Variants in COLEC12 observed in about 807,000 individuals in gnomAD.
The protein encoded by COLEC12 is collectin subfamily member 12.
COLEC12 carries 33 observed loss-of-function variants against 71.1 expected under a neutral mutation model. The ratio of observed to expected loss-of-function variants is 0.46; its 90% CI spans 0.35 to 0.62. COLEC12 has a LOEUF of 0.62. Among genes scored for constraint, COLEC12 ranks in the 20% least tolerant of loss-of-function variants. COLEC12 has a pLI of 0.00. For missense variants in COLEC12, 765 were observed against 916.1 expected, an observed-to-expected ratio of 0.84 and a Z score of 2.13; for synonymous variants, 350 against 353.0, an observed-to-expected ratio of 0.99 and a Z score of 0.10.
intron 2 of COLEC12, among the ~76,000 whole-genome samples, chr18:357,887 C>T (rs1914662386): frequency 1.3e-5 from 2 of 152,216 alleles, no homozygotes; most frequent in Non-Finnish European, 2.9e-5. Context: ...TGGTACCAGT[C>T]TGGTGGCCTG....
At position 495,478 on chromosome 18, in the gene COLEC12, G is replaced by A. The variant is rs535439626; in HGVS notation, c.7+5030C>T. On this transcript the variant is annotated intron_variant, in intron 1 of 9. Coordinates refer to ENST00000400256, the MANE Select transcript of COLEC12 (RefSeq NM_130386.3). ...TTTTCAGAGTTGGTGGCTACAGTGGGCCATCCACATTCATTCAATCAGCGG... is the reference window on the plus strand; with the variant it reads ...TTTTCAGAGTTGGTGGCTACAGTGGACCATCCACATTCATTCAATCAGCGG... Among the ~76,000 whole-genome samples, 32 of 152,306 alleles carry A rather than the reference G, an allele frequency of 2.1e-4. No individual in the cohort carries two copies. The East Asian group carries it at 3.3e-3, about 16-fold the overall frequency.
chr18:427,198 G>C lies in COLEC12; in HGVS notation c.58+53509C>G, dbSNP rs1464947744. 3.3e-5 allele frequency among the ~76,000 whole-genome samples: 5 copies of C among 152,172 alleles called. No individual in the cohort carries two copies. In the East Asian group the frequency reaches 9.6e-4, roughly 29 times the overall value. On this transcript the variant is annotated intron_variant, in intron 2 of 9. Coordinates refer to ENST00000400256, the MANE Select transcript of COLEC12 (RefSeq NM_130386.3). The stretch of plus-strand genomic sequence containing the variant: ...GTTAGAAGACTTGCATACTGGGGCT[G>C]GCTCAGCTACTGACAAGCAGCATGA...
intron 2 of COLEC12, among the ~76,000 whole-genome samples, chr18:393,631 C>A (rs1367666312): frequency 6.6e-6 from 1 of 152,204 alleles, no homozygotes; most frequent in Admixed American, 6.5e-5. Context: ...CCTGGAATAC[C>A]CTTTGCCTGT....
chr18:496,273 G>A (rs1029104641), intron 1 of COLEC12, among the ~76,000 whole-genome samples: 3 of 152,122 alleles, frequency 2.0e-5, no homozygotes, highest in African/African-American at 7.2e-5. Flanking sequence ...GAGCCACATG[G>A]CAAAGGGTTG....
chr18:368,649 G>A (rs1914913028), intron 2 of COLEC12, among the ~76,000 whole-genome samples: 1 of 152,082 alleles, frequency 6.6e-6, no homozygotes, highest in Non-Finnish European at 1.5e-5. Flanking sequence ...CGGATCATGA[G>A]GTCAGGAGAT....
intron 2 of COLEC12, among the ~76,000 whole-genome samples, chr18:383,300 G>GT (rs2143567480): frequency 6.6e-6 from 1 of 152,320 alleles, no homozygotes; most frequent in East Asian, 1.9e-4. Context: ...AGTAGCATGA[G>GT]TAAGAGTTTG....
rs183061292 is a variant in COLEC12 at position 413,148 on chromosome 18, C to T, written c.59-55626G>A. On this transcript the variant is annotated intron_variant, in intron 2 of 9. Transcript: ENST00000400256. ...ACATTAATCAAAGGAATTAACTGAA[C>T]GACAAAAATACAAATGATCTCATTT... Among the ~76,000 whole-genome samples the T allele has an allele frequency of 2.0e-4, 31 of 152,150 alleles. No homozygotes were observed. The South Asian group carries it at 4.6e-3, about 22-fold the overall frequency.
At chr18:421,590 T>G (rs1257234818) in intron 2 of COLEC12, among the ~76,000 whole-genome samples, 1 of 152,182 alleles carries the variant, frequency 6.6e-6, no homozygotes, top group Non-Finnish European at 1.5e-5. Context: ...ATTTAGAAAG[T>G]CAGTGGCTTA....
intron 2 of COLEC12, among the ~76,000 whole-genome samples, chr18:379,030 C>A (rs932909240): frequency 3.3e-5 from 5 of 152,160 alleles, no homozygotes; most frequent in African/African-American, 1.2e-4. Context: ...GCAACCATGC[C>A]CTCCCCAACG....
At chr18:423,878 A>G (rs969483795) in intron 2 of COLEC12, 2 of 152,158 alleles carry the variant, frequency 1.3e-5, no homozygotes, top group Non-Finnish European at 2.9e-5. Flanking sequence ...CCTTCCCAAA[A>G]GAGAATTATG....
intron 2 of COLEC12, among the ~76,000 whole-genome samples, chr18:411,233 C>A (rs911100256): frequency 1.3e-5 from 2 of 152,144 alleles, no homozygotes; most frequent in Admixed American, 6.5e-5. Flanking sequence ...TGAAGTCCTG[C>A]CAGAGAAAGC....
At chr18:434,667 TCTC>T (rs2143681728) in intron 2 of COLEC12, among the ~76,000 whole-genome samples, 1 of 152,286 alleles carries the variant, frequency 6.6e-6, no homozygotes, top group African/African-American at 2.4e-5. Flanking sequence ...GCCTGAGATA[TCTC>T]CTCTCTCCAA....
intron 2 of COLEC12, among the ~76,000 whole-genome samples, chr18:470,135 T>A (rs1267438313): frequency 6.6e-6 from 1 of 152,156 alleles, no homozygotes; most frequent in Non-Finnish European, 1.5e-5. Context: ...TCTTAATATT[T>A]TTTATCAGGC....
At chr18:321,544 T>C in intron 9 of COLEC12, 118 bp downstream of exon 9, 2 of 1,060,222 alleles carry the variant, frequency 1.9e-6, no homozygotes, top group East Asian at 2.4e-5. Context: ...ATAAATGGCA[T>C]AACCAGGGCT....
In COLEC12 at chr18:437,823, T is replaced by C. The variant is rs534059798; in HGVS notation, c.58+42884A>G. 9.2e-5 allele frequency among the ~76,000 whole-genome samples: 14 copies of C among 152,364 alleles called. No homozygotes were observed. The South Asian group carries it at 2.7e-3, about 29-fold the overall frequency. On this transcript the variant is annotated intron_variant, in intron 2 of 9. Transcript: ENST00000400256. ...AAGCTTTGTCGCATCTATCAGTTCA[T>C]TTAACAAACTGAGCTACAAATTGTG...
At chr18:442,052 C>T (rs1044596334) in intron 2 of COLEC12, among the ~76,000 whole-genome samples, 2 of 144,572 alleles carry the variant, frequency 1.4e-5, no homozygotes, top group African/African-American at 2.6e-5. Context: ...CACACACACA[C>T]AGCTTCTGAT....
intron 2 of COLEC12, among the ~76,000 whole-genome samples, chr18:421,169 T>C (rs559911477): frequency 6.8e-4 from 103 of 152,364 alleles, no homozygotes; most frequent in African/African-American, 2.3e-3. Context: ...TAAGGTTATA[T>C]GCATATACTT....
At chr18:359,719 C>T (rs1427644729) in intron 2 of COLEC12, among the ~76,000 whole-genome samples, 1 of 152,034 alleles carries the variant, frequency 6.6e-6, no homozygotes, top group African/African-American at 2.4e-5. Flanking sequence ...CAGGAGATTC[C>T]CTGTTTTCCT....
chr18:494,734 T>A (rs941908421), intron 1 of COLEC12, among the ~76,000 whole-genome samples: 1 of 152,378 alleles, frequency 6.6e-6, no homozygotes, highest in African/African-American at 2.4e-5. Context: ...CTAACATTTC[T>A]CTGTCATAAG....
Sources: allele counts gnomAD v4.1 joint callset (sites outside exome capture counted in the v4.1 genomes callset), GRCh38; gene constraint gnomAD v4.1.1; transcripts MANE v1.5; gene names NCBI Gene and HGNC (gene_info 2026-07-23, HGNC 2026-07-21).